PRORP: variants seen among roughly 807,000 people sequenced by gnomAD.
The protein encoded by PRORP is protein only RNase P catalytic subunit.
PRORP carries 51 observed loss-of-function variants against 59.4 expected under a neutral mutation model. That is an observed-to-expected ratio of 0.86 (90% CI 0.69 to 1.08). PRORP has a LOEUF of 1.08. Ranked by LOEUF, PRORP falls within the 50% of genes least tolerant of loss-of-function variation. PRORP has a pLI of 0.00. For synonymous variants in PRORP, 231 were observed against 245.6 expected (o/e 0.94, Z 0.55); for missense variants, 646 against 690.3 (o/e 0.94, Z 0.72).
chr14:35,134,248 G>T (rs576096165), intron 4 of PRORP, among the ~76,000 whole-genome samples: 15 of 152,058 alleles, frequency 9.9e-5, no homozygotes, highest in African/African-American at 3.1e-4. Flanking sequence ...GAGCCCCACC[G>T]TGTGGCCACC....
intron 4 of PRORP, among the ~76,000 whole-genome samples, chr14:35,128,439 G>A (rs2047152351): frequency 6.6e-6 from 1 of 152,094 alleles, no homozygotes; most frequent in Non-Finnish European, 1.5e-5. Flanking sequence ...ATGTTTGGTA[G>A]AATTGAGCAG....
chr14:35,242,130 G>A (rs1470645671), intron 5 of PRORP, among the ~76,000 whole-genome samples: 2 of 152,126 alleles, frequency 1.3e-5, no homozygotes, highest in African/African-American at 2.4e-5. Flanking sequence ...ATTTATGTCT[G>A]TCTTCCTACT....
At chr14:35,151,934 CT>C (rs11342103) in intron 4 of PRORP, among the ~76,000 whole-genome samples, 48,736 of 124,432 alleles carry the variant, frequency 0.39, 7,985 homozygotes, top group East Asian at 0.65. Context: ...GTTAATCCAT[CT>C]TTTTTTTTTT....
chr14:35,209,651 C>G (rs773791903), intron 5 of PRORP, among the ~76,000 whole-genome samples: 3 of 152,114 alleles, frequency 2.0e-5, no homozygotes, highest in African/African-American at 4.8e-5. Flanking sequence ...ATTCTCCTGC[C>G]TCAGCCTCCT....
At chr14:35,243,537 A>C in intron 5 of PRORP, among the ~76,000 whole-genome samples, 1 of 151,454 alleles carries the variant, frequency 6.6e-6, no homozygotes, top group African/African-American at 2.4e-5. Context: ...CCATGTCTAA[A>C]AAAAAAAAAA....
intron 5 of PRORP, among the ~76,000 whole-genome samples, chr14:35,251,181 G>A (rs749542375): frequency 4.1e-4 from 63 of 152,214 alleles, no homozygotes; most frequent in Non-Finnish European, 7.2e-4. Context: ...CATCCAGGTC[G>A]CTGCAAATGC....
intron 5 of PRORP, among the ~76,000 whole-genome samples, chr14:35,244,835 A>G (rs2050446676): frequency 1.3e-5 from 2 of 152,224 alleles, no homozygotes; most frequent in South Asian, 4.1e-4. Flanking sequence ...GTCAGGTAAC[A>G]TAATCCTGAC....
chr14:35,180,052 A>G (rs909158930), intron 4 of PRORP, among the ~76,000 whole-genome samples: 8 of 152,150 alleles, frequency 5.3e-5, no homozygotes, highest in African/African-American at 1.9e-4. Flanking sequence ...AACAGCGAAT[A>G]TTGCTGAACA....
In PRORP at chr14:35,157,682, C is replaced by A. The variant is rs182548598; in HGVS notation, c.1168-22988C>A. Among the ~76,000 whole-genome samples, 262 of 152,232 alleles carry A rather than the reference C, an allele frequency of 1.7e-3. 1 individual carries two copies. Among genetic ancestry groups the A allele is most frequent in the African/African-American group, 5.6e-3 (231 of 41,526 alleles). ...TGGGATTACAGTGTGAGCCACGGTG[C>A]CTGGCCTGTTACTTTCTATTAATAA... On this transcript the variant is annotated intron_variant, in intron 4 of 7. Coordinates refer to ENST00000534898, the MANE Select transcript of PRORP (RefSeq NM_014672.4).
At chr14:35,247,649 T>G (rs992268174) in intron 5 of PRORP, among the ~76,000 whole-genome samples, 22 of 152,144 alleles carry the variant, frequency 1.4e-4, no homozygotes, top group African/African-American at 4.1e-4. Flanking sequence ...GGACTGGACC[T>G]AGAACCCTAG....
intron 5 of PRORP, among the ~76,000 whole-genome samples, chr14:35,247,543 C>T (rs1245175467): frequency 6.6e-6 from 1 of 152,152 alleles, no homozygotes; most frequent in East Asian, 1.9e-4. Context: ...ACTCCCCACT[C>T]ATCTTACTCT....
At chr14:35,180,008 C>T (rs7141690) in intron 4 of PRORP, among the ~76,000 whole-genome samples, 8,838 of 152,314 alleles carry the variant, frequency 0.058, 410 homozygotes, top group African/African-American at 0.13. Context: ...ACTCCAGACC[C>T]TGTTTGCCTG....
chr14:35,182,632 G>A (rs553505356), intron 5 of PRORP, among the ~76,000 whole-genome samples: 1 of 152,306 alleles, frequency 6.6e-6, no homozygotes, highest in African/African-American at 2.4e-5. Flanking sequence ...GCGACAGAGT[G>A]AGACTCCTCG....
At chr14:35,221,751 G>T (rs762999702) in intron 5 of PRORP, among the ~76,000 whole-genome samples, 2 of 152,196 alleles carry the variant, frequency 1.3e-5, no homozygotes, top group East Asian at 1.9e-4. Flanking sequence ...TTTTCTGAGC[G>T]GTTGTTCTGG....
rs77747511 is a variant in PRORP at position 35,261,904 on chromosome 14, T to C, written c.1276-4823T>C. ...TTTTCCCTGTGTCTTTCAATTATTCTCCTTTGTTTTCATTGTTTTCAGAGA... is the reference window on the plus strand; with the variant it reads ...TTTTCCCTGTGTCTTTCAATTATTCCCCTTTGTTTTCATTGTTTTCAGAGA... On this transcript the variant is annotated intron_variant, in intron 5 of 7. Coordinates refer to ENST00000534898, the MANE Select transcript of PRORP (RefSeq NM_014672.4). Among the ~76,000 whole-genome samples, 169 of 152,286 alleles carry C rather than the reference T, an allele frequency of 1.1e-3. 1 individual carries two copies. Among genetic ancestry groups the C allele is most frequent in the African/African-American group, 3.8e-3 (156 of 41,564 alleles).
intron 5 of PRORP, among the ~76,000 whole-genome samples, chr14:35,241,517 A>T (rs1299080256): frequency 1.3e-5 from 2 of 152,198 alleles, no homozygotes; most frequent in African/African-American, 4.8e-5. Context: ...TTTTGGTCTT[A>T]GACCCTTTTC....
intron 4 of PRORP, among the ~76,000 whole-genome samples, chr14:35,174,864 G>A (rs1396544343): frequency 4.7e-5 from 7 of 149,358 alleles, no homozygotes; most frequent in South Asian, 2.1e-4. Flanking sequence ...TTTACGTTAC[G>A]TATATCTCCT....
rs542117428 is a variant in PRORP, at chr14:35,178,324, G to A, written c.1168-2346G>A. Among the ~76,000 whole-genome samples, 4 of 152,210 alleles carry A rather than the reference G, an allele frequency of 2.6e-5. No individual in the cohort carries two copies. In the East Asian group the frequency reaches 7.7e-4, roughly 29 times the overall value. On this transcript the variant is annotated intron_variant, in intron 4 of 7. Transcript: ENST00000534898. ...GTTAACTTCTGTCTCGTTGATCTGT[G>A]TAATGTTGACAGTGGAGTGTTAAAG...
intron 5 of PRORP, among the ~76,000 whole-genome samples, chr14:35,232,609 T>A (rs1160455209): frequency 6.6e-6 from 1 of 152,192 alleles, no homozygotes; most frequent in Non-Finnish European, 1.5e-5. Flanking sequence ...GCTTGGCCCA[T>A]AGTAAGTCCT....
Sources: gnomAD v4.1 joint callset for allele counts (sites outside exome capture counted in the v4.1 genomes callset) on GRCh38, gnomAD v4.1.1 for gene constraint, MANE v1.5 for transcripts, NCBI Gene and HGNC (gene_info 2026-07-23, HGNC 2026-07-21) for gene names.